Variants in GALK2 observed in about 807,000 individuals in gnomAD.
GALK2 encodes the protein galactokinase 2.
In GALK2, 36 loss-of-function variants were observed where a neutral mutation model predicts 52.4. The ratio of observed to expected loss-of-function variants is 0.69; its 90% CI spans 0.53 to 0.91. The LOEUF (loss-of-function observed/expected upper bound fraction) is 0.91. Among genes scored for constraint, GALK2 ranks in the 40% least tolerant of loss-of-function variants. GALK2 has a pLI of 0.00. For synonymous variants in GALK2, 176 were observed against 199.1 expected (o/e 0.88, Z 0.98); for missense variants, 579 against 559.1 (o/e 1.04, Z -0.36).
At chr15:49,363,478 C>T (rs1253483620) in intron 3 of GALK2, among the ~76,000 whole-genome samples, 2 of 152,060 alleles carry the variant, frequency 1.3e-5, no homozygotes, top group African/African-American at 4.8e-5. Context: ...GATTTTGTAT[C>T]CTGAAACTTT....
chr15:49,234,489 A>T (rs866815025), intron 3 of GALK2, among the ~76,000 whole-genome samples: 30 of 152,208 alleles, frequency 2.0e-4, no homozygotes, highest in African/African-American at 6.5e-4. Context: ...TCACAGTTCC[A>T]TATGGCGGGG....
chr15:49,206,123 T>G (rs1329429190), intron 2 of GALK2, among the ~76,000 whole-genome samples: 1 of 152,204 alleles, frequency 6.6e-6, no homozygotes, highest in African/African-American at 2.4e-5. Flanking sequence ...CACGCTGTTT[T>G]GGTTGACTAT....
intron 1 of GALK2, among the ~76,000 whole-genome samples, chr15:49,171,032 TTTTTC>T (rs931693636): frequency 6.6e-6 from 1 of 152,012 alleles, no homozygotes; most frequent in Non-Finnish European, 1.5e-5. Context: ...GCTTTTGCTG[TTTTTC>T]TTTTCTTTTC....
At chr15:49,340,009 G>T (rs2151213334) in intron 3 of GALK2, among the ~76,000 whole-genome samples, 1 of 152,192 alleles carries the variant, frequency 6.6e-6, no homozygotes, top group African/African-American at 2.4e-5. Flanking sequence ...AGACTGCTGT[G>T]CTGGCACGAG....
intron 1 of GALK2, among the ~76,000 whole-genome samples, chr15:49,183,480 T>C (rs2086120947): frequency 6.6e-6 from 1 of 152,244 alleles, no homozygotes; most frequent in African/African-American, 2.4e-5. Flanking sequence ...GTTCCTCTTA[T>C]TGATTTCTAG....
chr15:49,165,005 A>G (rs1396778495), intron 1 of GALK2, among the ~76,000 whole-genome samples: 2 of 151,998 alleles, frequency 1.3e-5, no homozygotes, highest in Admixed American at 6.6e-5. Context: ...ATATTCATTT[A>G]TTTACTTAAC....
chr15:49,315,172 T>A (rs979186351), intron 8 of GALK2, among the ~76,000 whole-genome samples: 1 of 152,252 alleles, frequency 6.6e-6, no homozygotes, highest in Non-Finnish European at 1.5e-5. Flanking sequence ...CTGAAGACTA[T>A]GACGTATATC....
chr15:49,234,864 T>G (rs2090710266), intron 3 of GALK2, among the ~76,000 whole-genome samples: 1 of 152,070 alleles, frequency 6.6e-6, no homozygotes, highest in Non-Finnish European at 1.5e-5. Flanking sequence ...CCTCCCGGGT[T>G]CAAGCGATTC....
intron 7 of GALK2, among the ~76,000 whole-genome samples, chr15:49,290,438 G>A (rs1464951719): frequency 2.0e-5 from 3 of 152,222 alleles, no homozygotes; most frequent in Non-Finnish European, 2.9e-5. Context: ...TGGAGTGAAT[G>A]TGAACTCTAT....
intron 5 of GALK2, among the ~76,000 whole-genome samples, chr15:49,280,922 C>T (rs1362685909): frequency 2.0e-5 from 3 of 152,110 alleles, no homozygotes; most frequent in African/African-American, 2.4e-5. Flanking sequence ...CTGCAACCTC[C>T]GCTGCCCAGG....
intron 8 of GALK2, among the ~76,000 whole-genome samples, chr15:49,304,482 G>T (rs2035382489): frequency 6.6e-6 from 1 of 152,210 alleles, no homozygotes; most frequent in South Asian, 2.1e-4. Flanking sequence ...CACAATCATG[G>T]CAGGAGGAAG....
chr15:49,181,037 TTC>T (rs1281910143), intron 1 of GALK2, among the ~76,000 whole-genome samples: 1 of 128,256 alleles, frequency 7.8e-6, no homozygotes, highest in Non-Finnish European at 1.8e-5. Context: ...CCTTCCTTCC[TTC>T]CTTCCTTCCT....
intron 3 of GALK2, among the ~76,000 whole-genome samples, chr15:49,338,479 T>C (rs2040154132): frequency 6.6e-6 from 1 of 152,226 alleles, no homozygotes; most frequent in South Asian, 2.1e-4. Context: ...TTTGTAGGGT[T>C]TCTGCAGAGA....
At chr15:49,239,505 T>C (rs2090991517) in intron 5 of GALK2, 138 bp downstream of exon 5, 2 of 736,002 alleles carry the variant, frequency 2.7e-6, no homozygotes, top group African/African-American at 3.5e-5. Context: ...GCATTGTAAC[T>C]TAACAAGTGA....
chr15:49,170,078 C>G (rs1195993826), upstream of GALK2: 2 of 768,952 alleles, frequency 2.6e-6, no homozygotes, highest in Non-Finnish European at 3.8e-6. Flanking sequence ...TCCCTGGGAG[C>G]TAAGAGCAGG....
In GALK2 at chr15:49,246,487, G is replaced by A. The variant is rs550821349; in HGVS notation, c.504+7120G>A. ...GTACAGTAGAGAAGTATAGGGTTGA[G>A]CTGCATCCCCCATACTGAAGTCTAA... On this transcript the variant is annotated intron_variant, in intron 5 of 9. Transcript: ENST00000560031. 2.0e-5 allele frequency among the ~76,000 whole-genome samples: 3 copies of A among 152,262 alleles called. 1 individual carries two copies. The East Asian group carries it at 5.8e-4, about 29-fold the overall frequency.
At position 49,219,736 on chromosome 15, in the gene GALK2, C is replaced by T. The variant is rs552244855; in HGVS notation, c.266+2423C>T. 1.6e-4 allele frequency among the ~76,000 whole-genome samples: 25 copies of T among 152,174 alleles called. 1 individual carries two copies. In the South Asian group the frequency reaches 4.3e-3, roughly 26 times the overall value. On this transcript the variant is annotated intron_variant, in intron 3 of 9. Transcript: ENST00000560031. The stretch of plus-strand genomic sequence containing the variant: ...TGAGGCAGGAGAATCACTTGAACCT[C>T]GGAGGTGGAGGTTGCAGTGAGCCAA...
At chr15:49,357,938 C>T (rs1400058226) in intron 3 of GALK2, among the ~76,000 whole-genome samples, 1 of 151,912 alleles carries the variant, frequency 6.6e-6, no homozygotes, top group Non-Finnish European at 1.5e-5. Context: ...TCAATATACA[C>T]AAATCAATAA....
chr15:49,318,335 A>G (rs1188255830), intron 8 of GALK2: 1 of 152,200 alleles, frequency 6.6e-6, no homozygotes, highest in Non-Finnish European at 1.5e-5. Context: ...AAGGAAAATA[A>G]AATCACCCAT....
Sources: allele counts gnomAD v4.1 joint callset (sites outside exome capture counted in the v4.1 genomes callset), GRCh38; gene constraint gnomAD v4.1.1; transcripts MANE v1.5; gene names NCBI Gene and HGNC (gene_info 2026-07-23, HGNC 2026-07-21).